CASZ1: variants seen among roughly 807,000 people sequenced by gnomAD.
The protein encoded by CASZ1 is zinc finger protein castor homolog 1.
In CASZ1, 28 loss-of-function variants were observed where a neutral mutation model predicts 135.2. The ratio of observed to expected loss-of-function variants is 0.21; its 90% CI spans 0.15 to 0.28. CASZ1 has a LOEUF of 0.28. Among genes scored for constraint, CASZ1 ranks in the 10% least tolerant of loss-of-function variants. CASZ1 has a pLI of 1.00. For synonymous variants in CASZ1, 1,068 were observed against 1,073.4 expected (o/e 0.99, Z 0.10); for missense variants, 2,161 against 2,453.3 (o/e 0.88, Z 2.52).
At chr1:10,761,242 A>G (rs1557556997) in intron 1 of CASZ1, among the ~76,000 whole-genome samples, 1 of 152,194 alleles carries the variant, frequency 6.6e-6, no homozygotes, top group Non-Finnish European at 1.5e-5. Context: ...CCAATACTGG[A>G]AACAGATCAA....
chr1:10,649,379 C>T lies in CASZ1; in HGVS notation c.2939G>A (p.Gly980Glu). Reference protein sequence around the residue: ...SLLNIKAEAEGSPAAEPSPFL... With the variant: ...SLLNIKAEAEESPAAEPSPFL... The stretch of plus-strand genomic sequence containing the variant: ...GGGCGAGGGCTCCGCAGCGGGGCTC[C>T]CCTCCGCTTCCGCCTTGATGTTCAG... Residue 980 changes from glycine (G) to glutamate (E), a missense_variant, in exon 14 of 21, where the codon GGG (glycine) becomes GAG (glutamate). By Grantham distance (98) the Gly-to-Glu change is moderately conservative. Coordinates refer to ENST00000377022, the MANE Select transcript of CASZ1 (RefSeq NM_001079843.3). 6.2e-7 allele frequency: 1 copy of T among 1,608,386 alleles called. No individual in the cohort carries two copies. Among genetic ancestry groups the T allele is most frequent in the African/African-American group, 1.3e-5 (1 of 74,942 alleles).
At chr1:10,684,597 G>A (rs1188154182) in intron 4 of CASZ1, among the ~76,000 whole-genome samples, 1 of 152,210 alleles carries the variant, frequency 6.6e-6, no homozygotes, top group Non-Finnish European at 1.5e-5. Context: ...AAGCCTCCCA[G>A]TTTGCCCAGG....
At chr1:10,674,371 C>T (rs966110125) in intron 4 of CASZ1, among the ~76,000 whole-genome samples, 1 of 152,258 alleles carries the variant, frequency 6.6e-6, no homozygotes, top group Non-Finnish European at 1.5e-5. Flanking sequence ...CCCCACCAGC[C>T]GACGCAGACA....
chr1:10,687,581 T>G (rs1284597619), intron 4 of CASZ1, among the ~76,000 whole-genome samples: 1 of 152,068 alleles, frequency 6.6e-6, no homozygotes, highest in Non-Finnish European at 1.5e-5. Context: ...CTGCCCTGGG[T>G]TTGTCTAGCT....
rs538554088 is a variant in CASZ1 at position 10,721,277 on chromosome 1, C to T, written c.-76-15733G>A. ...CTGCTCCTATCACCTACCTCCCCCA[C>T]CCCCTGATCTTAGGGAAAAAAAAAC... On this transcript the variant is annotated intron_variant, in intron 2 of 20. Coordinates refer to ENST00000377022, the MANE Select transcript of CASZ1 (RefSeq NM_001079843.3). The surrounding 1 kb of genome is among the most constrained non-coding windows in gnomAD (Gnocchi z 5.4). Among the ~76,000 whole-genome samples the T allele has an allele frequency of 6.6e-6, 1 of 152,156 alleles. No individual in the cohort carries two copies. Among genetic ancestry groups the T allele is most frequent in the African/African-American group, 2.4e-5 (1 of 41,508 alleles).
At position 10,793,035 on chromosome 1, in the gene CASZ1, T is replaced by TG. The variant is rs199820131; in HGVS notation, c.-234+3528dup. The stretch of plus-strand genomic sequence containing the variant: ...GAACTTCTTTTAAATTAAAAAGGGG[T>TG]GGGGGGCAAGATAAACTATTAATAA... On this transcript the variant is annotated intron_variant, in intron 1 of 20. Coordinates refer to ENST00000377022, the MANE Select transcript of CASZ1 (RefSeq NM_001079843.3). Among the ~76,000 whole-genome samples the TG allele has an allele frequency of 4.0e-3, 612 of 151,748 alleles. 7 individuals are homozygous for TG. Among genetic ancestry groups the TG allele is most frequent in the African/African-American group, 0.014 (573 of 41,364 alleles).
rs1477031576 is a variant in CASZ1, at chr1:10,694,663, A to G, written c.-23-751T>C. 9.4e-5 allele frequency among the ~76,000 whole-genome samples: 13 copies of G among 139,020 alleles called. No homozygotes were observed. The highest frequency in any genetic ancestry group is 1.7e-4 in the Non-Finnish European group (11 of 63,336). 91.2% of individuals were successfully genotyped at this position (139,020 alleles called of 152,430 possible). A position where few individuals can be genotyped will look rare whatever the true frequency, so the allele number is the denominator to read the frequency against. ...CCGCCCGCCGCCCGGTGCCGGAGTG[A>G]ATGGGCTCGCGCTCGCTCGCGCCCC... is the stretch of plus-strand genomic sequence containing the variant. On this transcript the variant is annotated intron_variant, in intron 3 of 20. Coordinates refer to ENST00000377022, the MANE Select transcript of CASZ1 (RefSeq NM_001079843.3). The surrounding 1 kb of genome is among the most constrained non-coding windows in gnomAD (Gnocchi z 6.6).
In CASZ1 at chr1:10,709,614, G is replaced by A. The variant is rs772858550; in HGVS notation, c.-76-4070C>T. On this transcript the variant is annotated intron_variant, in intron 2 of 20. Coordinates refer to ENST00000377022, the MANE Select transcript of CASZ1 (RefSeq NM_001079843.3). This position sits in a 1 kb window ranked among gnomAD's most constrained non-coding sequence, Gnocchi z 5.1. ...AAAGAGTGAAAAAGAAAGAGAGAGC[G>A]GGAGAGGGGGAGAGAGAGAGAGGGA... 2.0e-5 allele frequency among the ~76,000 whole-genome samples: 3 copies of A among 152,150 alleles called. No individual in the cohort carries two copies. The highest frequency in any genetic ancestry group is 2.4e-5 in the African/African-American group (1 of 41,436).
intron 15 of CASZ1, 94 bp downstream of exon 15, chr1:10,648,976 C>G: frequency 6.6e-7 from 1 of 1,504,740 alleles, no homozygotes; most frequent in Non-Finnish European, 9.0e-7. Context: ...TGTGGCCCAG[C>G]GGGAACTGCT....
intron 1 of CASZ1, among the ~76,000 whole-genome samples, chr1:10,790,937 A>G (rs1350074507): frequency 6.6e-6 from 1 of 152,162 alleles, no homozygotes; most frequent in Admixed American, 6.5e-5. Context: ...GCAAAGGTCC[A>G]TTTGTAAAGG....
At position 10,747,224 on chromosome 1, in the gene CASZ1, A is replaced by C. The variant is rs940627550; in HGVS notation, c.-77+13477T>G. On this transcript the variant is annotated intron_variant, in intron 2 of 20. Coordinates refer to ENST00000377022, the MANE Select transcript of CASZ1 (RefSeq NM_001079843.3). The surrounding 1 kb of genome is among the most constrained non-coding windows in gnomAD (Gnocchi z 4.3). ...TGGAGACATAGGCCACCTGAGACTA[A>C]GGGTGGGGCTGGGAAGCAAAGGGGA... 6.6e-6 allele frequency among the ~76,000 whole-genome samples: 1 copy of C among 152,174 alleles called. No individual in the cohort carries two copies. Among genetic ancestry groups the C allele is most frequent in the South Asian group, 2.1e-4 (1 of 4,822 alleles).
rs1213241551 is a variant in CASZ1, at chr1:10,694,712, G to A, written c.-23-800C>T. Among the ~76,000 whole-genome samples, 1 of 141,368 alleles carries A rather than the reference G, an allele frequency of 7.1e-6. No homozygotes were observed. Among genetic ancestry groups the A allele is most frequent in the South Asian group, 2.2e-4 (1 of 4,596 alleles). The allele number at this position is 141,368 out of a possible 152,430, so 92.7% of individuals were successfully genotyped here. A position where few individuals can be genotyped will look rare whatever the true frequency, so the allele number is the denominator to read the frequency against. ...CCCGCCGCGCGCCCCCGCCGCGCGC[G>A]CCCGCGCCGCACTGGCAGGGCGGCC... is the stretch of plus-strand genomic sequence containing the variant. On this transcript the variant is annotated intron_variant, in intron 3 of 20. Transcript: ENST00000377022. This position sits in a 1 kb window ranked among gnomAD's most constrained non-coding sequence, Gnocchi z 6.6.
chr1:10,727,942 C>A lies in CASZ1; in HGVS notation c.-76-22398G>T, dbSNP rs1639627429. Among the ~76,000 whole-genome samples, 1 of 152,230 alleles carries A rather than the reference C, an allele frequency of 6.6e-6. No individual in the cohort carries two copies. The highest frequency in any genetic ancestry group is 1.5e-5 in the Non-Finnish European group (1 of 68,036). ...CCAACACGTGGAAGGTTGAACTAAC[C>A]CCGGGCGCGATGCCACGTGCCCAGA... is the stretch of plus-strand genomic sequence containing the variant. On this transcript the variant is annotated intron_variant, in intron 2 of 20. Coordinates refer to ENST00000377022, the MANE Select transcript of CASZ1 (RefSeq NM_001079843.3). The surrounding 1 kb of genome is among the most constrained non-coding windows in gnomAD (Gnocchi z 5.3).
intron 2 of CASZ1, among the ~76,000 whole-genome samples, chr1:10,738,969 G>A (rs978029395): frequency 4.1e-5 from 5 of 122,276 alleles, no homozygotes; most frequent in Admixed American, 2.2e-4. Context: ...GTCACATTCC[G>A]GCAGCAATTT....
In CASZ1 at chr1:10,665,125, C is replaced by G. The variant is rs558519323; in HGVS notation, c.463G>C (p.Ala155Pro). ...ALEEKDSDGA[A>P]SKEDSGPSTR... is the part of the protein sequence containing the mutation. ...CTGGGGCCGCTGTCCTCCTTGGAGG[C>G]TGCCCCGTCCGAATCCTTCTCCTCC... The change falls in exon 5 of 21, where the codon GCC becomes CCC. Residue 155 changes from alanine (A) to proline (P), a missense_variant. Coordinates refer to ENST00000377022, the MANE Select transcript of CASZ1 (RefSeq NM_001079843.3). 2.0e-5 allele frequency: 31 copies of G among 1,519,102 alleles called. No individual in the cohort carries two copies. The highest frequency in any genetic ancestry group is 3.6e-4 in the Middle Eastern group (2 of 5,522). The allele number at this position is 1,519,102 out of a possible 1,614,324, so 94.1% of individuals were successfully genotyped here.
chr1:10,763,772 T>C (rs1640420967), intron 1 of CASZ1, among the ~76,000 whole-genome samples: 1 of 152,200 alleles, frequency 6.6e-6, no homozygotes, highest in African/African-American at 2.4e-5. Context: ...AAGGTGTCGG[T>C]GGAACTGAAC....
At chr1:10,751,419 G>A (rs1303101833) in intron 2 of CASZ1, among the ~76,000 whole-genome samples, 1 of 152,172 alleles carries the variant, frequency 6.6e-6, no homozygotes, top group African/African-American at 2.4e-5. Context: ...ATGATCTTTA[G>A]GGTGAGGCAT....
chr1:10,781,667 C>T (rs1640764873), intron 1 of CASZ1, among the ~76,000 whole-genome samples: 1 of 152,162 alleles, frequency 6.6e-6, no homozygotes, highest in Non-Finnish European at 1.5e-5. Context: ...ACACAGGGAG[C>T]CCTCTGCCTT....
At position 10,767,157 on chromosome 1, in the gene CASZ1, C is replaced by T. The variant is rs1640491787; in HGVS notation, c.-233-6300G>A. Among the ~76,000 whole-genome samples the T allele has an allele frequency of 6.6e-6, 1 of 152,190 alleles. No homozygotes were observed. Among genetic ancestry groups the T allele is most frequent in the Non-Finnish European group, 1.5e-5 (1 of 68,036 alleles). On this transcript the variant is annotated intron_variant, in intron 1 of 20. Coordinates refer to ENST00000377022, the MANE Select transcript of CASZ1 (RefSeq NM_001079843.3). This position sits in a 1 kb window ranked among gnomAD's most constrained non-coding sequence, Gnocchi z 4.2. ...GGTCGTCCGCATTCCTCATGAGTTC[C>T]TGATGGGAGGAACGAGGAGTGGGGA...
Sources: gnomAD v4.1 joint callset for allele counts (sites outside exome capture counted in the v4.1 genomes callset) on GRCh38, gnomAD v4.1.1 for gene constraint, Gnocchi (gnomAD v3.1) non-coding constraint, MANE v1.5 for transcripts, NCBI Gene and HGNC (gene_info 2026-07-23, HGNC 2026-07-21) for gene names.